Variants in RBPJ observed in about 807,000 individuals in gnomAD.
RBPJ encodes the protein recombination signal binding protein for immunoglobulin kappa J region, also known as recombining binding protein suppressor of hairless.
A neutral mutation model predicts 67.8 loss-of-function variants in RBPJ; 9 were observed. The ratio of observed to expected loss-of-function variants is 0.13; its 90% confidence interval spans 0.08 to 0.23. The LOEUF (loss-of-function observed/expected upper bound fraction) is 0.23, where lower values mean the gene tolerates loss of function less well. RBPJ is among the 10% of genes least tolerant of loss of function. The pLI is 1.00. For missense variants in RBPJ, 305 were observed against 595.6 expected, an observed-to-expected ratio of 0.51 and a Z score of 5.08; for synonymous variants, 198 against 203.3, an observed-to-expected ratio of 0.97 and a Z score of 0.22.
At chr4:26,113,413 T>A in the RBPJ span, 5 of 542,792 alleles carry the variant, frequency 9.2e-6, no homozygotes, top group Middle Eastern at 3.0e-4. Flanking sequence ...CCTATGAATG[T>A]ACTGAATGGG....
chr4:26,368,827 C>A (rs1214248970), intron 1 of RBPJ, among the ~76,000 whole-genome samples: 3 of 152,186 alleles, frequency 2.0e-5, no homozygotes, highest in Admixed American at 1.3e-4. Context: ...AATTCTAGCC[C>A]TGGGGCAGGG....
intron 1 of RBPJ, among the ~76,000 whole-genome samples, chr4:26,297,639 C>T (rs987692627): frequency 2.6e-5 from 4 of 151,594 alleles, no homozygotes; most frequent in Non-Finnish European, 5.9e-5. Flanking sequence ...TTTAGTCTAT[C>T]ATTTATAAAG....
intron 1 of RBPJ, among the ~76,000 whole-genome samples, chr4:26,353,520 A>G (rs972690975): frequency 1.3e-5 from 2 of 152,198 alleles, no homozygotes; most frequent in Admixed American, 6.5e-5. Context: ...AATAAGTGAG[A>G]TAATACATTT....
At chr4:26,359,686 T>TGGCCGAGCG (rs1026747047) in intron 1 of RBPJ, 3 of 151,844 alleles carry the variant, frequency 2.0e-5, no homozygotes, top group Admixed American at 6.6e-5. Context: ...GGAGGGATGG[T>TGGCCGAGCG]GGCCGAGCGG....
chr4:26,225,388 C>T (rs1719044153), intron 1 of RBPJ, among the ~76,000 whole-genome samples: 1 of 152,178 alleles, frequency 6.6e-6, no homozygotes, highest in Admixed American at 6.5e-5. Context: ...ATTCCAACTA[C>T]ATGACCTTCT....
chr4:26,267,482 A>C (rs1720739444), intron 1 of RBPJ, among the ~76,000 whole-genome samples: 1 of 152,168 alleles, frequency 6.6e-6, no homozygotes. Context: ...TAGATTTTTA[A>C]GTGTATCTTA....
At chr4:26,392,349 C>T (rs1696110292) in intron 2 of RBPJ, among the ~76,000 whole-genome samples, 1 of 152,144 alleles carries the variant, frequency 6.6e-6, no homozygotes, top group Admixed American at 6.5e-5. Context: ...CATCTGAATA[C>T]AAAGCCCTGA....
chr4:26,227,620 C>T (rs1183936558), intron 1 of RBPJ, among the ~76,000 whole-genome samples: 1 of 152,140 alleles, frequency 6.6e-6, no homozygotes, highest in African/African-American at 2.4e-5. Context: ...TATTCTTTTT[C>T]ATTTGAAGTT....
the RBPJ span, among the ~76,000 whole-genome samples, chr4:26,117,539 G>A: frequency 6.6e-6 from 1 of 152,120 alleles, no homozygotes; most frequent in African/African-American, 2.4e-5. Context: ...TAAGTGACAA[G>A]CAGAAAACAA....
chr4:26,184,727 C>T (rs1403947579), intron 1 of RBPJ, among the ~76,000 whole-genome samples: 1 of 152,076 alleles, frequency 6.6e-6, no homozygotes, highest in East Asian at 1.9e-4. Context: ...CTCAGAGCTC[C>T]AAAGTATCCT....
chr4:26,371,110 G>T (rs962463532), intron 1 of RBPJ, among the ~76,000 whole-genome samples: 1 of 151,420 alleles, frequency 6.6e-6, no homozygotes, highest in Non-Finnish European at 1.5e-5. Context: ...AAAAGTTAAT[G>T]TCAACTTACA....
chr4:26,206,260 T>C (rs528352711), intron 1 of RBPJ, among the ~76,000 whole-genome samples: 237 of 152,310 alleles, frequency 1.6e-3, no homozygotes, highest in Admixed American at 5.2e-3. Context: ...TTTATTTTTG[T>C]TTAGTGTTTT....
the RBPJ span, among the ~76,000 whole-genome samples, chr4:26,109,460 CTATATATA>C: frequency 4.8e-3 from 70 of 14,660 alleles, 1 homozygote; most frequent in Admixed American, 9.8e-3. Flanking sequence ...CTCTCTCTCT[CTATATATA>C]TATATATATA....
intron 1 of RBPJ, among the ~76,000 whole-genome samples, chr4:26,334,929 T>G (rs1336465064): frequency 6.6e-6 from 1 of 152,230 alleles, no homozygotes; most frequent in Non-Finnish European, 1.5e-5. Context: ...ATTCTTTGAC[T>G]TTATGTCTGT....
intron 3 of RBPJ, among the ~76,000 whole-genome samples, chr4:26,408,751 G>C (rs749022850): frequency 1.9e-4 from 29 of 152,204 alleles, no homozygotes; most frequent in Non-Finnish European, 4.4e-5. Flanking sequence ...GTTGACATTA[G>C]TTAGGAATCT....
At chr4:26,297,665 T>C (rs2109296095) in intron 1 of RBPJ, among the ~76,000 whole-genome samples, 1 of 151,832 alleles carries the variant, frequency 6.6e-6, no homozygotes, top group African/African-American at 2.4e-5. Flanking sequence ...AAACTTGAAG[T>C]TGAAACCAGA....
intron 1 of RBPJ, among the ~76,000 whole-genome samples, chr4:26,247,428 G>A (rs1228219871): frequency 6.6e-6 from 1 of 151,614 alleles, no homozygotes; most frequent in East Asian, 1.9e-4. Context: ...TGGGTGGAGG[G>A]GGACGGAGTT....
At chr4:26,245,437 GA>G (rs1281050678) in intron 1 of RBPJ, among the ~76,000 whole-genome samples, 21 of 152,084 alleles carry the variant, frequency 1.4e-4, no homozygotes, top group African/African-American at 3.4e-4. Context: ...TTGAACTCCT[GA>G]CCTTGTGGTC....
chr4:26,141,960 T>C, the RBPJ span, among the ~76,000 whole-genome samples: 2 of 152,240 alleles, frequency 1.3e-5, no homozygotes, highest in East Asian at 1.9e-4. Flanking sequence ...AGAGTGTTTA[T>C]ATAGATTAGA....
Sources: allele counts gnomAD v4.1 joint callset (sites outside exome capture counted in the v4.1 genomes callset), GRCh38; gene constraint gnomAD v4.1.1; transcripts MANE v1.5; gene names NCBI Gene and HGNC (gene_info 2026-07-23, HGNC 2026-07-21).